Variants in PPM1D observed in about 807,000 individuals in gnomAD.
The protein encoded by PPM1D is protein phosphatase, Mg2+/Mn2+ dependent 1D, also known as protein phosphatase 1D.
In PPM1D, 52 loss-of-function variants were observed where a neutral mutation model predicts 58.3. That is an observed-to-expected ratio of 0.89 (90% CI 0.71 to 1.12). PPM1D has a LOEUF of 1.12. Ranked by LOEUF, PPM1D falls within the 50% of genes most tolerant of loss-of-function variation. The pLI is 0.00. For missense variants in PPM1D, 564 were observed against 777.2 expected (o/e 0.73, Z 3.26); for synonymous variants, 278 against 285.1 (o/e 0.98, Z 0.25).
At chr17:60,654,790 C>T (rs928731536) in intron 4 of PPM1D, among the ~76,000 whole-genome samples, 1 of 151,188 alleles carries the variant, frequency 6.6e-6, no homozygotes, top group African/African-American at 2.4e-5. Flanking sequence ...ATCACTTGAA[C>T]CTGGGAGGCG....
chr17:60,621,914 G>A (rs1445776113), intron 1 of PPM1D, among the ~76,000 whole-genome samples: 14 of 149,198 alleles, frequency 9.4e-5, no homozygotes, highest in African/African-American at 2.7e-4. Context: ...TCGGCCAGGC[G>A]TGGTGGCTCA....
At chr17:60,649,049 G>T (rs185604274) in intron 4 of PPM1D, among the ~76,000 whole-genome samples, 1 of 151,826 alleles carries the variant, frequency 6.6e-6, no homozygotes, top group Non-Finnish European at 1.5e-5. Flanking sequence ...ATGAGCCACC[G>T]CACCCGGCCT....
At chr17:60,661,926 G>A (rs190839061) in intron 5 of PPM1D, among the ~76,000 whole-genome samples, 4 of 152,274 alleles carry the variant, frequency 2.6e-5, no homozygotes. Flanking sequence ...CTACTGAGAT[G>A]CTACCATCCC....
At chr17:60,621,987 A>G (rs1398940506) in intron 1 of PPM1D, among the ~76,000 whole-genome samples, 2 of 150,714 alleles carry the variant, frequency 1.3e-5, no homozygotes, top group Non-Finnish European at 3.0e-5. Context: ...GGAGATCGAG[A>G]CCATCCTGGC....
chr17:60,650,499 T>C (rs2031323210), intron 4 of PPM1D, among the ~76,000 whole-genome samples: 1 of 151,976 alleles, frequency 6.6e-6, no homozygotes, highest in African/African-American at 2.4e-5. Context: ...TGCAGTGAGC[T>C]GAGATCGTGC....
chr17:60,632,575 A>C (rs2030944423), intron 2 of PPM1D, among the ~76,000 whole-genome samples: 1 of 151,798 alleles, frequency 6.6e-6, no homozygotes, highest in South Asian at 2.1e-4. Context: ...AAAACAAAAA[A>C]CAGGCTGGGC....
At chr17:60,641,749 T>C (rs1390257423) in intron 3 of PPM1D, among the ~76,000 whole-genome samples, 1 of 152,234 alleles carries the variant, frequency 6.6e-6, no homozygotes, top group South Asian at 2.1e-4. Context: ...AGAATTTTCA[T>C]TGAGTTTTGA....
At chr17:60,657,158 C>A in intron 5 of PPM1D, 3 of 1,060,256 alleles carry the variant, frequency 2.8e-6, no homozygotes, top group East Asian at 5.4e-5. Flanking sequence ...ATCTCGTAGC[C>A]CAGAAGTAGA....
rs1156937142 is a variant in PPM1D, at chr17:60,656,760, G to A, written c.1179G>A (p.Leu393=). ...GNFTNEDELY[L]NLTDSPSYNS... is the part of the protein sequence containing the mutation. ...TTACCAATGAAGATGAGTTATACCT[G>A]AACCTGACTGACAGCCCTTCCTATA... is the stretch of plus-strand genomic sequence containing the variant. The change falls in exon 5 of 6, where the codon CTG becomes CTA. Residue 393 remains leucine (L), a synonymous_variant. Coordinates refer to ENST00000305921, the MANE Select transcript of PPM1D (RefSeq NM_003620.4). The A allele has an allele frequency of 1.9e-6, 3 of 1,614,062 alleles. No individual in the cohort carries two copies. In the African/African-American group the frequency reaches 4.0e-5, roughly 22 times the overall value.
At chr17:60,661,295 G>A (rs895761774) in intron 5 of PPM1D, among the ~76,000 whole-genome samples, 3 of 150,956 alleles carry the variant, frequency 2.0e-5, no homozygotes, top group East Asian at 1.9e-4. Flanking sequence ...AGATAAATAC[G>A]TCTTCATTTG....
chr17:60,632,713 T>A (rs1409483274), intron 2 of PPM1D, among the ~76,000 whole-genome samples: 1 of 152,172 alleles, frequency 6.6e-6, no homozygotes, highest in Admixed American at 6.6e-5. Flanking sequence ...TAGGCAGGCG[T>A]GGTGGCCCAC....
chr17:60,654,334 C>T (rs1250419493), intron 4 of PPM1D, among the ~76,000 whole-genome samples: 2 of 139,186 alleles, frequency 1.4e-5, no homozygotes, highest in East Asian at 2.3e-4. Context: ...CACAGTGGTG[C>T]GATCCCGGCT....
At chr17:60,659,634 T>C (rs1036539236) in intron 5 of PPM1D, among the ~76,000 whole-genome samples, 4 of 152,238 alleles carry the variant, frequency 2.6e-5, no homozygotes, top group African/African-American at 9.6e-5. Context: ...TAATATTGGA[T>C]TACAGGGTAG....
intron 2 of PPM1D, among the ~76,000 whole-genome samples, chr17:60,629,546 C>T (rs1354034662): frequency 2.0e-5 from 3 of 152,200 alleles, no homozygotes; most frequent in Non-Finnish European, 4.4e-5. Flanking sequence ...GAGAATATAT[C>T]TGACATCTCT....
At chr17:60,622,309 C>A (rs892272317) in intron 1 of PPM1D, among the ~76,000 whole-genome samples, 1 of 151,916 alleles carries the variant, frequency 6.6e-6, no homozygotes, top group African/African-American at 2.4e-5. Context: ...TTCCTTTAAA[C>A]TTCCAGGAAT....
chr17:60,659,069 G>T (rs985447223), intron 5 of PPM1D, among the ~76,000 whole-genome samples: 3 of 152,108 alleles, frequency 2.0e-5, no homozygotes, highest in Admixed American at 6.6e-5. Flanking sequence ...TAACCCATTG[G>T]CCCTGCCCAA....
chr17:60,603,819 G>A (rs2030273963), intron 1 of PPM1D, among the ~76,000 whole-genome samples: 1 of 151,678 alleles, frequency 6.6e-6, no homozygotes, highest in Non-Finnish European at 1.5e-5. Context: ...AATCTCTTGC[G>A]CTATTTGGTT....
At chr17:60,621,323 G>A (rs983995028) in intron 1 of PPM1D, among the ~76,000 whole-genome samples, 33 of 152,052 alleles carry the variant, frequency 2.2e-4, no homozygotes, top group Non-Finnish European at 8.8e-5. Context: ...TCATTCTTTT[G>A]CATGTGGATA....
chr17:60,625,248 G>A (rs928766202), intron 2 of PPM1D, among the ~76,000 whole-genome samples: 10 of 152,190 alleles, frequency 6.6e-5, no homozygotes, highest in African/African-American at 2.2e-4. Flanking sequence ...CAAAACAGTA[G>A]TAAACATTTG....
Sources: gnomAD v4.1 joint callset for allele counts (sites outside exome capture counted in the v4.1 genomes callset) on GRCh38, gnomAD v4.1.1 for gene constraint, MANE v1.5 for transcripts, NCBI Gene and HGNC (gene_info 2026-07-23, HGNC 2026-07-21) for gene names.